MCRIP1: variants seen among roughly 807,000 people sequenced by gnomAD.
MCRIP1 encodes MAPK regulated corepressor interacting protein 1, also known as mapk-regulated corepressor-interacting protein 1.
In MCRIP1, 10 loss-of-function variants were observed where a neutral mutation model predicts 14.4. The observed-to-expected ratio is 0.70, with a 90% CI of 0.43 to 1.18. The LOEUF (loss-of-function observed/expected upper bound fraction) is 1.18, where lower values mean the gene tolerates loss of function less well. MCRIP1 is among the 50% of genes most tolerant of loss of function. MCRIP1 has a pLI of 0.00. For synonymous variants in MCRIP1, 53 were observed against 55.7 expected (o/e 0.95, Z 0.21); for missense variants, 119 against 135.4 (o/e 0.88, Z 0.60).
chr17:81,829,512 A>G (rs1161273957), intron 1 of MCRIP1, among the ~76,000 whole-genome samples: 4 of 152,184 alleles, frequency 2.6e-5, no homozygotes, highest in African/African-American at 7.2e-5. Context: ...ACTGCCTCTG[A>G]GAGTTTTCTT....
rs552681742 is a variant in MCRIP1, at chr17:81,831,173, C to CAAAAAAAAAAA, written c.-49+2054_-49+2064dup. On this transcript the variant is annotated intron_variant, in intron 1 of 4. Coordinates refer to ENST00000455127, the MANE Select transcript of MCRIP1 (RefSeq NM_207368.5). The stretch of plus-strand genomic sequence containing the variant: ...GGCAACAGAGCAAGACTCTGTCTCT[C>CAAAAAAAAAAA]AAAAAAAAAAAAAAAAATTAGCCAG... Among the ~76,000 whole-genome samples the CAAAAAAAAAAA allele has an allele frequency of 2.0e-3, 231 of 113,994 alleles. 3 individuals carry two copies. Among genetic ancestry groups the CAAAAAAAAAAA allele is most frequent in the African/African-American group, 7.7e-3 (221 of 28,616 alleles). 74.8% of individuals were successfully genotyped at this position (113,994 alleles called of 152,430 possible).
At position 81,823,561 on chromosome 17, in the gene MCRIP1, T is replaced by A. The variant is rs944508098; in HGVS notation, c.128-48A>T. ...GCTCAGGGCCCCCTGCCCCAGGGGG[T>A]GGCATCCACGTCACGAGAGTGCCTG... is the stretch of plus-strand genomic sequence containing the variant. On this transcript the variant is annotated intron_variant, in intron 3 of 4. Transcript: ENST00000455127. This position sits in a 1 kb window ranked among gnomAD's most constrained non-coding sequence, Gnocchi z 6.0. 1 of 1,468,798 alleles carries A rather than the reference T, an allele frequency of 6.8e-7. No individual in the cohort carries two copies. The highest frequency in any genetic ancestry group is 1.9e-4 in the Middle Eastern group (1 of 5,394). The allele number at this position is 1,468,798 out of a possible 1,614,324, so 91.0% of individuals were successfully genotyped here.
At chr17:81,827,970 T>G (rs184540192) in intron 1 of MCRIP1, among the ~76,000 whole-genome samples, 1 of 151,254 alleles carries the variant, frequency 6.6e-6, no homozygotes, top group South Asian at 2.1e-4. Flanking sequence ...TTAGTGGAGA[T>G]GGGGTTTCAC....
chr17:81,828,268 C>A (rs1015426626), intron 1 of MCRIP1, among the ~76,000 whole-genome samples: 1 of 148,628 alleles, frequency 6.7e-6, no homozygotes, highest in Non-Finnish European at 1.5e-5. Context: ...ACTGCCCCCC[C>A]ACCCCCCGAC....
At chr17:81,829,241 G>A (rs942503591) in intron 1 of MCRIP1, among the ~76,000 whole-genome samples, 2 of 151,588 alleles carry the variant, frequency 1.3e-5, no homozygotes, top group Admixed American at 1.3e-4. Context: ...CGGCCTGACC[G>A]AGGCCGACCA....
At chr17:81,829,913 C>A (rs1301424377) in intron 1 of MCRIP1, among the ~76,000 whole-genome samples, 7 of 152,228 alleles carry the variant, frequency 4.6e-5, no homozygotes, top group African/African-American at 1.7e-4. Flanking sequence ...TCACCCAGGC[C>A]CTCTGCTGCC....
In MCRIP1 at chr17:81,823,420, C is replaced by A; in HGVS notation, c.221G>T (p.Ser74Ile). The change falls in exon 4 of 5, where the codon AGC becomes ATC. Residue 74 changes from serine (S) to isoleucine (I), a missense_variant. Transcript: ENST00000455127. The surrounding 1 kb of genome is among the most constrained non-coding windows in gnomAD (Gnocchi z 6.0). Reference protein sequence around the residue: ...EEYVEKVPNPSLKTFKPIDLS... With the variant: ...EEYVEKVPNPILKTFKPIDLS... ...GGTCAGCCCCCACTCACTCTTCAGG[C>A]TGGGGTTAGGGACCTTCTCCACATA... 1 of 1,536,782 alleles carries A rather than the reference C, an allele frequency of 6.5e-7. No individual in the cohort carries two copies. Among genetic ancestry groups the A allele is most frequent in the Non-Finnish European group, 8.7e-7 (1 of 1,146,718 alleles).
At chr17:81,830,312 C>T (rs113073579) in intron 1 of MCRIP1, among the ~76,000 whole-genome samples, 3,407 of 152,336 alleles carry the variant, frequency 0.022, 117 homozygotes, top group African/African-American at 0.078. Context: ...CAAGCATGTG[C>T]TGTATGGTTC....
Position 81,823,160 on chromosome 17 carries a change from C to G in MCRIP1, c.*87G>C, listed in dbSNP as rs1598247010. ...TGCAGCCCGCTGGAGCAAGGCACCC[C>G]CATCCCAGGGGCAGGACCACAGGAC... is the stretch of plus-strand genomic sequence containing the variant. On this transcript the variant is annotated 3_prime_UTR_variant, in exon 5 of 5. Coordinates refer to ENST00000455127, the MANE Select transcript of MCRIP1 (RefSeq NM_207368.5). This position sits in a 1 kb window ranked among gnomAD's most constrained non-coding sequence, Gnocchi z 6.0. The G allele has an allele frequency of 7.6e-7, 1 of 1,319,664 alleles. No individual in the cohort carries two copies. Among genetic ancestry groups the G allele is most frequent in the East Asian group, 2.5e-5 (1 of 39,794 alleles). 81.7% of individuals were successfully genotyped at this position (1,319,664 alleles called of 1,614,324 possible). A position where few individuals can be genotyped will look rare whatever the true frequency, so the allele number is the denominator to read the frequency against.
At chr17:81,824,678 C>A in intron 1 of MCRIP1, 124 bp from the exon 2 acceptor site, 1 of 1,482,154 alleles carries the variant, frequency 6.7e-7, no homozygotes, top group Non-Finnish European at 9.0e-7. Flanking sequence ...GGTCCCTCTG[C>A]CTACCAGGGT....
At chr17:81,830,276 C>T (rs2038490482) in intron 1 of MCRIP1, among the ~76,000 whole-genome samples, 1 of 152,254 alleles carries the variant, frequency 6.6e-6, no homozygotes, top group Non-Finnish European at 1.5e-5. Context: ...TCTGTGGCTC[C>T]TTATCCAATA....
At chr17:81,826,954 C>A (rs531676148) in intron 1 of MCRIP1, among the ~76,000 whole-genome samples, 1 of 150,968 alleles carries the variant, frequency 6.6e-6, no homozygotes, top group African/African-American at 2.4e-5. Flanking sequence ...CCTGTCTCTA[C>A]TAAAAATACA....
chr17:81,824,668 G>A (rs2038351494), intron 1 of MCRIP1, 114 bp from the exon 2 acceptor site: 1 of 1,500,050 alleles, frequency 6.7e-7, no homozygotes, highest in Non-Finnish European at 8.9e-7. Context: ...CAAAGTGCAT[G>A]GTCCCTCTGC....
In MCRIP1 at chr17:81,822,971, GC is replaced by G; in HGVS notation, c.*275del. On this transcript the variant is annotated 3_prime_UTR_variant, in exon 5 of 5. Transcript: ENST00000455127. ...AGAGGTCAGGTCAGGGCCCCTGGGG[GC>G]CAGGCAGCTTCAAAAATGCAGCCAG... The G allele has an allele frequency of 1.7e-6, 1 of 583,586 alleles. No individual in the cohort carries two copies. The highest frequency in any genetic ancestry group is 3.1e-6 in the Non-Finnish European group (1 of 327,080). The allele number at this position is 583,586 out of a possible 1,614,324, so 36.2% of individuals were successfully genotyped here. A position where few individuals can be genotyped will look rare whatever the true frequency, so the allele number is the denominator to read the frequency against.
Position 81,823,486 on chromosome 17 carries a change from C to G in MCRIP1, c.155G>C (p.Arg52Pro). 6.5e-7 allele frequency: 1 copy of G among 1,536,504 alleles called. No homozygotes were observed. The highest frequency in any genetic ancestry group is 8.7e-7 in the Non-Finnish European group (1 of 1,146,752). Residue 52 changes from arginine (R) to proline (P), a missense_variant, in exon 4 of 5, where the codon CGA becomes CCA. Arg to Pro is a moderately radical substitution (Grantham distance 103). Coordinates refer to ENST00000455127, the MANE Select transcript of MCRIP1 (RefSeq NM_207368.5). This position sits in a 1 kb window ranked among gnomAD's most constrained non-coding sequence, Gnocchi z 6.0. Reference protein sequence around the residue: ...EAWQGVERDLRGQVPGGERGL... With the variant: ...EAWQGVERDLPGQVPGGERGL... ...CCGCTCGCCACCCGGCACCTGGCCT[C>G]GCAGGTCTCGCTCCACACCCTGCCA...
intron 1 of MCRIP1, among the ~76,000 whole-genome samples, chr17:81,831,035 G>A (rs1044123652): frequency 1.3e-5 from 2 of 151,844 alleles, no homozygotes; most frequent in African/African-American, 4.8e-5. Context: ...AGCTGGGCGT[G>A]GTGGCACATG....
intron 1 of MCRIP1, among the ~76,000 whole-genome samples, chr17:81,828,366 G>A (rs536367397): frequency 1.1e-4 from 16 of 147,068 alleles, no homozygotes; most frequent in East Asian, 4.1e-4. Context: ...CACAATAAAC[G>A]GTTCTGCAGC....
Position 81,823,240 on chromosome 17 carries a change from G to A in MCRIP1, c.*7C>T, listed in dbSNP as rs376192311. ...CTTCCGGAGGCCGGGGAGGGGCACC[G>A]GGCGCTCTAGGACTTCTTGGCATCC... On this transcript the variant is annotated 3_prime_UTR_variant, in exon 5 of 5. Coordinates refer to ENST00000455127, the MANE Select transcript of MCRIP1 (RefSeq NM_207368.5). This position sits in a 1 kb window ranked among gnomAD's most constrained non-coding sequence, Gnocchi z 6.0. 147 of 1,536,204 alleles carry A rather than the reference G, an allele frequency of 9.6e-5. No homozygotes were observed. Among genetic ancestry groups the A allele is most frequent in the Admixed American group, 4.3e-4 (22 of 50,992 alleles).
In MCRIP1 at chr17:81,824,507, C is replaced by G; in HGVS notation, c.-1G>C. The G allele has an allele frequency of 3.9e-6, 6 of 1,536,176 alleles. No homozygotes were observed. The highest frequency in any genetic ancestry group is 5.2e-6 in the Non-Finnish European group (6 of 1,146,826). On this transcript the variant is annotated 5_prime_UTR_variant, in exon 2 of 5. Coordinates refer to ENST00000455127, the MANE Select transcript of MCRIP1 (RefSeq NM_207368.5). Reference sequence around the variant, plus strand: ...ACCTGCCTGAGACCCACCTGGTCATCGCGGGGGCGTCTGATCCTAGCGCTC... The same window carrying G: ...ACCTGCCTGAGACCCACCTGGTCATGGCGGGGGCGTCTGATCCTAGCGCTC...
Sources: allele counts gnomAD v4.1 joint callset (sites outside exome capture counted in the v4.1 genomes callset), GRCh38; gene constraint gnomAD v4.1.1; non-coding constraint Gnocchi (gnomAD v3.1); transcripts MANE v1.5; gene names NCBI Gene and HGNC (gene_info 2026-07-23, HGNC 2026-07-21).